The following PDE11A variants were observed in gnomAD, a reference collection of about 807,000 sequenced individuals.
PDE11A encodes the protein dual 3',5'-cyclic-AMP and -GMP phosphodiesterase 11A.
Under a neutral mutation model 100.5 loss-of-function variants are expected in PDE11A, and 100 were observed. The observed-to-expected ratio is 1.00, with a 90% CI of 0.85 to 1.18. The LOEUF is 1.18. Among genes scored for constraint, PDE11A ranks in the 50% most tolerant of loss-of-function variants. The probability of loss-of-function intolerance (pLI) is 0.00; values close to 1 mark genes in which losing one functional copy is unlikely to be tolerated. For synonymous variants in PDE11A, 381 were observed against 420.8 expected (o/e 0.91, Z 1.16); for missense variants, 1,141 against 1,152.6 (o/e 0.99, Z 0.15).
chr2:177,671,432 T>A (rs1169586268), intron 17 of PDE11A, among the ~76,000 whole-genome samples: 1 of 152,158 alleles, frequency 6.6e-6, no homozygotes, highest in Non-Finnish European at 1.5e-5. Context: ...AGAGTCTTGT[T>A]GCAGGAAGGG....
chr2:178,059,179 G>A (rs536907137), intron 1 of PDE11A, among the ~76,000 whole-genome samples: 1 of 152,294 alleles, frequency 6.6e-6, no homozygotes, highest in South Asian at 2.1e-4. Context: ...CATGAGCCCT[G>A]CCTTGTTCTA....
At chr2:177,948,644 C>CT (rs1281314001) in intron 2 of PDE11A, among the ~76,000 whole-genome samples, 14 of 152,162 alleles carry the variant, frequency 9.2e-5, no homozygotes, top group African/African-American at 3.4e-4. Context: ...TGGCTTGTGC[C>CT]TATAATCTCA....
chr2:177,895,489 G>T (rs888847573), intron 4 of PDE11A, among the ~76,000 whole-genome samples: 3 of 151,894 alleles, frequency 2.0e-5, no homozygotes, highest in African/African-American at 7.3e-5. Context: ...AGGAGGTGGA[G>T]GTTTCAGTGA....
chr2:178,037,686 C>G (rs978489627), intron 1 of PDE11A, among the ~76,000 whole-genome samples: 20 of 152,148 alleles, frequency 1.3e-4, no homozygotes, highest in African/African-American at 4.6e-4. Flanking sequence ...GAATACTATG[C>G]AGCCATAAAA....
chr2:177,832,726 G>T (rs183421850), intron 6 of PDE11A, among the ~76,000 whole-genome samples: 124 of 152,230 alleles, frequency 8.1e-4, no homozygotes, highest in Non-Finnish European at 1.2e-3. Context: ...ACTGGTATAT[G>T]ACCTTCGAGA....
intron 17 of PDE11A, among the ~76,000 whole-genome samples, chr2:177,673,274 G>T (rs1283427891): frequency 6.6e-6 from 1 of 152,190 alleles, no homozygotes; most frequent in East Asian, 1.9e-4. Flanking sequence ...CCTTCTTTAG[G>T]TGAGAAGAAG....
At chr2:177,728,419 C>T (rs1436736305) in intron 10 of PDE11A, among the ~76,000 whole-genome samples, 2 of 152,064 alleles carry the variant, frequency 1.3e-5, no homozygotes, top group East Asian at 3.9e-4. Context: ...AAAATACACG[C>T]ACTGGATCTA....
chr2:177,747,326 A>C (rs1166783893), intron 10 of PDE11A, among the ~76,000 whole-genome samples: 3 of 152,076 alleles, frequency 2.0e-5, no homozygotes, highest in African/African-American at 7.2e-5. Context: ...AATTCACCCC[A>C]CCTGTGGGAA....
intron 15 of PDE11A, among the ~76,000 whole-genome samples, chr2:177,684,380 A>G (rs1342526418): frequency 6.6e-6 from 1 of 152,258 alleles, no homozygotes; most frequent in Non-Finnish European, 1.5e-5. Context: ...AGTTATCAAG[A>G]TAAATATTTT....
chr2:177,937,201 G>C (rs2085285520), intron 2 of PDE11A, among the ~76,000 whole-genome samples: 1 of 151,894 alleles, frequency 6.6e-6, no homozygotes, highest in Non-Finnish European at 1.5e-5. Context: ...CTCACAGTTG[G>C]ATGATACACT....
chr2:177,783,040 C>T (rs80185999), intron 9 of PDE11A, among the ~76,000 whole-genome samples: 3,272 of 152,330 alleles, frequency 0.021, 59 homozygotes, highest in South Asian at 0.049. Flanking sequence ...CCATTAATCT[C>T]GTACAGTCTC....
In PDE11A at chr2:178,104,398, C is replaced by T. The variant is rs754603352; in HGVS notation, c.66G>A (p.Val22=). ...AGATTTGGACCAGTCTTGTGATTTT[C>T]ACCTTTTTCCACTGTGTGGCACTGA... The change falls in exon 2 of 21, where the codon GTG becomes GTA. Residue 22 remains valine (V), a synonymous_variant. Transcript: ENST00000358450. 1.9e-6 allele frequency: 3 copies of T among 1,614,026 alleles called. No homozygotes were observed. The Admixed American group carries it at 5.0e-5, about 27-fold the overall frequency.
chr2:177,955,564 G>T (rs2085551262), intron 2 of PDE11A, among the ~76,000 whole-genome samples: 1 of 152,200 alleles, frequency 6.6e-6, no homozygotes, highest in South Asian at 2.1e-4. Flanking sequence ...TAAACAGCCA[G>T]TAGGTCTGCA....
intron 1 of PDE11A, among the ~76,000 whole-genome samples, chr2:178,106,951 C>T (rs1199439275): frequency 3.3e-5 from 4 of 121,360 alleles, no homozygotes; most frequent in Admixed American, 1.8e-4. Flanking sequence ...CAAAGCAAGA[C>T]TCTCTCAAAA....
At chr2:177,686,230 T>C (rs2080946284) in intron 15 of PDE11A, among the ~76,000 whole-genome samples, 1 of 152,124 alleles carries the variant, frequency 6.6e-6, no homozygotes, top group African/African-American at 2.4e-5. Context: ...TTCTGGATAA[T>C]AGGAATCATG....
At chr2:177,631,539 A>ACATACACACATG (rs1463168147) in intron 19 of PDE11A, among the ~76,000 whole-genome samples, 1 of 27,338 alleles carries the variant, frequency 3.7e-5, no homozygotes, top group African/African-American at 1.5e-4. Context: ...ATATATATAT[A>ACATACACACATG]TATATATACA....
intron 12 of PDE11A, among the ~76,000 whole-genome samples, chr2:177,721,004 T>C (rs944655978): frequency 6.6e-6 from 1 of 152,174 alleles, no homozygotes; most frequent in Non-Finnish European, 1.5e-5. Flanking sequence ...CCAGTACAAT[T>C]ACATATGTTG....
chr2:177,888,713 C>A, intron 4 of PDE11A: 1 of 944,172 alleles, frequency 1.1e-6, no homozygotes. Context: ...GTGAGCAAAC[C>A]TGGGAGATGA....
intron 10 of PDE11A, among the ~76,000 whole-genome samples, chr2:177,734,391 G>C (rs1340704654): frequency 6.6e-6 from 1 of 152,108 alleles, no homozygotes; most frequent in African/African-American, 2.4e-5. Context: ...GCGATGTTAT[G>C]AAAAAGTAAG....
Sources: gnomAD v4.1 joint callset for allele counts (sites outside exome capture counted in the v4.1 genomes callset) on GRCh38, gnomAD v4.1.1 for gene constraint, MANE v1.5 for transcripts, NCBI Gene and HGNC (gene_info 2026-07-23, HGNC 2026-07-21) for gene names.